TBC1D20: variants seen among roughly 807,000 people sequenced by gnomAD.
TBC1D20 encodes chromosome 20 open reading frame 140.
TBC1D20 carries 12 observed loss-of-function variants against 41.6 expected under a neutral mutation model. The observed-to-expected ratio is 0.29, with a 90% CI of 0.18 to 0.47. TBC1D20 has a LOEUF of 0.47. TBC1D20 is among the 20% of genes least tolerant of loss of function. The probability of loss-of-function intolerance (pLI) is 1.00; values close to 1 mark genes in which losing one functional copy is unlikely to be tolerated. For missense variants in TBC1D20, 421 were observed against 517.4 expected (o/e 0.81, Z 1.81); for synonymous variants, 205 against 204.8 (o/e 1.00, Z -0.01).
At chr20:462,307 G>C (rs1282338143) in intron 1 of TBC1D20, 29 bp downstream of exon 1, 1 of 1,269,718 alleles carries the variant, frequency 7.9e-7, no homozygotes, top group Non-Finnish European at 1.0e-6. Context: ...CTCGCAGGCC[G>C]CTCCCGGCGC....
chr20:439,256 A>G lies in TBC1D20; in HGVS notation c.808T>C (p.Cys270Arg). ...AGGTGGTGGACCGAGGCCATGTCAC[A>G]GTCACAGTCCAGGACTTCCTGCTCG... ...YREQEVLDCD[C>R]DMASVHHLLS... Residue 270 changes from cysteine (C) to arginine (R), a missense_variant, in exon 7 of 8, where the codon TGT becomes CGT. By Grantham distance (180) the Cys-to-Arg change is radical (BLOSUM62 -3). Coordinates refer to ENST00000354200, the MANE Select transcript of TBC1D20 (RefSeq NM_144628.4). The surrounding 1 kb of genome is among the most constrained non-coding windows in gnomAD (Gnocchi z 4.6). 2 of 1,613,966 alleles carry G rather than the reference A, an allele frequency of 1.2e-6. No homozygotes were observed. Among genetic ancestry groups the G allele is most frequent in the Non-Finnish European group, 1.7e-6 (2 of 1,179,890 alleles).
chr20:454,817 G>A (rs79978922), intron 1 of TBC1D20, among the ~76,000 whole-genome samples: 7,796 of 151,990 alleles, frequency 0.051, 214 homozygotes, highest in South Asian at 0.07. Context: ...GATTACAGGC[G>A]CATGCTGCCA....
chr20:451,843 T>A (rs924695658), intron 1 of TBC1D20, among the ~76,000 whole-genome samples: 1 of 152,132 alleles, frequency 6.6e-6, no homozygotes, highest in Admixed American at 6.6e-5. Context: ...AATAAACCAA[T>A]AAATTCTCTC....
At chr20:440,961 A>C (rs1479316377) in intron 5 of TBC1D20, 1 of 153,534 alleles carries the variant, frequency 6.5e-6, no homozygotes, top group Admixed American at 6.5e-5. Context: ...GTGGTGGCGC[A>C]TGCCTGTAAT....
At chr20:460,092 C>A (rs762330864) in intron 1 of TBC1D20, among the ~76,000 whole-genome samples, 3 of 151,810 alleles carry the variant, frequency 2.0e-5, no homozygotes, top group South Asian at 2.1e-4. Context: ...CTCGTGTGAG[C>A]GTACAAAATT....
chr20:455,093 G>T (rs1432591442), intron 1 of TBC1D20, among the ~76,000 whole-genome samples: 1 of 152,198 alleles, frequency 6.6e-6, no homozygotes, highest in East Asian at 1.9e-4. Flanking sequence ...GCAATTGGAA[G>T]TGCGACAGAA....
At chr20:444,159 T>C (rs1600331973) in intron 3 of TBC1D20, among the ~76,000 whole-genome samples, 1 of 149,390 alleles carries the variant, frequency 6.7e-6, no homozygotes. Context: ...GAGGCATCTG[T>C]CCTATATGAT....
Position 441,932 on chromosome 20 carries a change from A to G in TBC1D20, c.449T>C (p.Val150Ala), listed in dbSNP as rs764351278. The G allele has an allele frequency of 1.9e-6, 3 of 1,614,092 alleles. No homozygotes were observed. Among genetic ancestry groups the G allele is most frequent in the Non-Finnish European group, 2.5e-6 (3 of 1,180,014 alleles). Residue 150 changes from valine (V) to alanine (A), a missense_variant, in exon 4 of 8, where the codon GTG becomes GCG. Val to Ala is a moderately conservative substitution (Grantham distance 64, BLOSUM62 0). Around this residue, in one of 3 missense-constraint regions of TBC1D20, gnomAD observed 110 missense variants for 183.5 expected, o/e 0.60. Coordinates refer to ENST00000354200, the MANE Select transcript of TBC1D20 (RefSeq NM_144628.4). ...GCCTACCACCAGCAGAAATGTGACCACAATGTCATGGTAGCCCTGGTAGTA... is the reference window on the plus strand; with the variant it reads ...GCCTACCACCAGCAGAAATGTGACCGCAATGTCATGGTAGCCCTGGTAGTA... ...LHYYQGYHDI[V>A]VTFLLVVGER... is the part of the protein sequence containing the mutation.
intron 7 of TBC1D20, 130 bp from the exon 8 acceptor site, chr20:438,971 C>G (rs1473673193): frequency 1.3e-5 from 19 of 1,453,184 alleles, no homozygotes; most frequent in Non-Finnish European, 1.6e-5. Context: ...ACCCATATGT[C>G]TACAGTGGGG....
At chr20:459,694 G>A (rs562952883) in intron 1 of TBC1D20, among the ~76,000 whole-genome samples, 1 of 151,906 alleles carries the variant, frequency 6.6e-6, no homozygotes, top group South Asian at 2.1e-4. Flanking sequence ...TTATTTGAGG[G>A]GCACCACAGC....
chr20:443,003 G>C (rs745925300), intron 3 of TBC1D20, among the ~76,000 whole-genome samples: 12 of 152,172 alleles, frequency 7.9e-5, no homozygotes, highest in Non-Finnish European at 1.3e-4. Context: ...GGGAGGCTGA[G>C]GCAGGAGAAT....
chr20:460,636 A>C (rs1267793306), intron 1 of TBC1D20, among the ~76,000 whole-genome samples: 1 of 152,214 alleles, frequency 6.6e-6, no homozygotes, highest in Non-Finnish European at 1.5e-5. Context: ...ACCTGGAAAA[A>C]GCAGGTACCA....
chr20:439,638 T>A lies in TBC1D20; in HGVS notation c.769-343A>T, dbSNP rs1375477252. 1.3e-5 allele frequency among the ~76,000 whole-genome samples: 2 copies of A among 152,190 alleles called. No individual in the cohort carries two copies. Among genetic ancestry groups the A allele is most frequent in the African/African-American group, 2.4e-5 (1 of 41,438 alleles). On this transcript the variant is annotated intron_variant, in intron 6 of 7. Transcript: ENST00000354200. The surrounding 1 kb of genome is among the most constrained non-coding windows in gnomAD (Gnocchi z 4.6). ...GAAAGTAGGAGAATTATTGGGAGAT[T>A]CCTGGAGCTCCAGCATAGAAGAAAT...
chr20:459,476 G>A (rs935168106), intron 1 of TBC1D20, among the ~76,000 whole-genome samples: 2 of 152,030 alleles, frequency 1.3e-5, no homozygotes, highest in African/African-American at 4.8e-5. Context: ...TTCCTTTATA[G>A]TAGAGGTCTT....
chr20:448,600 A>C (rs1173618520), intron 1 of TBC1D20, among the ~76,000 whole-genome samples: 1 of 151,470 alleles, frequency 6.6e-6, no homozygotes, highest in East Asian at 2.0e-4. Context: ...GAGGCAGAAG[A>C]ATCACTTAAA....
intron 1 of TBC1D20, 84 bp from the exon 2 acceptor site, chr20:448,158 G>C (rs74456975): frequency 1.1e-6 from 1 of 950,054 alleles, no homozygotes; most frequent in African/African-American, 1.6e-5. Flanking sequence ...TTTTTGATAT[G>C]AGGTACAGGT....
At chr20:441,722 C>T in intron 4 of TBC1D20, 33 bp from the exon 5 acceptor site, 1 of 1,608,262 alleles carries the variant, frequency 6.2e-7, no homozygotes, top group Non-Finnish European at 8.5e-7. Context: ...GCCTGGTTAC[C>T]AAACACTTAG....
At position 440,362 on chromosome 20, in the gene TBC1D20, G is replaced by A. The variant is rs1472315117; in HGVS notation, c.654C>T (p.Leu218=). 1.2e-6 allele frequency: 2 copies of A among 1,614,204 alleles called. No individual in the cohort carries two copies. Among genetic ancestry groups the A allele is most frequent in the Non-Finnish European group, 1.7e-6 (2 of 1,180,044 alleles). ...QSAEVGTIFA[L]SWLITWFGHV... is the part of the protein sequence containing the mutation. ...GCCCAAACCAGGTGATGAGCCAGCT[G>A]AGGGCAAAGATGGTCCCTACCTCAG... is the stretch of plus-strand genomic sequence containing the variant. Residue 218 remains leucine (L), a synonymous_variant, in exon 6 of 8, where the codon CTC becomes CTT. Coordinates refer to ENST00000354200, the MANE Select transcript of TBC1D20 (RefSeq NM_144628.4).
intron 3 of TBC1D20, among the ~76,000 whole-genome samples, chr20:443,706 G>C (rs1321188743): frequency 1.3e-5 from 2 of 152,166 alleles, no homozygotes; most frequent in Non-Finnish European, 2.9e-5. Context: ...GAAAAGCAGT[G>C]AGCCAAGCCC....
Sources: allele counts gnomAD v4.1 joint callset (sites outside exome capture counted in the v4.1 genomes callset), GRCh38; gene constraint gnomAD v4.1.1; regional missense constraint gnomAD v4.1.1; non-coding constraint Gnocchi (gnomAD v3.1); transcripts MANE v1.5; gene names NCBI Gene and HGNC (gene_info 2026-07-23, HGNC 2026-07-21).